OTOGL: variants seen among roughly 807,000 people sequenced by gnomAD.
OTOGL encodes otogelin like, also known as otogelin-like protein.
A neutral mutation model predicts 318.5 loss-of-function variants in OTOGL; 285 were observed. The observed-to-expected ratio is 0.89, with a 90% CI of 0.81 to 0.99. OTOGL has a LOEUF of 0.99. Ranked by LOEUF, OTOGL falls within the 50% of genes least tolerant of loss-of-function variation. The pLI, the probability that OTOGL is intolerant of heterozygous loss-of-function variation, is 0.00. For missense variants in OTOGL, 2,899 were observed against 2,845.6 expected, an observed-to-expected ratio of 1.02 and a Z score of -0.43; for synonymous variants, 987 against 936.5, an observed-to-expected ratio of 1.05 and a Z score of -0.99.
chr12:80,114,800 G>T (rs1870061094), intron 1 of OTOGL, among the ~76,000 whole-genome samples: 1 of 151,810 alleles, frequency 6.6e-6, no homozygotes, highest in South Asian at 2.1e-4. Context: ...TTTGTTGGAG[G>T]CTTTGTTTGT....
intron 1 of OTOGL, among the ~76,000 whole-genome samples, chr12:80,144,806 G>A (rs1372094738): frequency 1.4e-4 from 21 of 152,302 alleles, no homozygotes; most frequent in Admixed American, 1.4e-3. Flanking sequence ...CTGATGGCCA[G>A]TGATGATGAG....
intron 29 of OTOGL, among the ~76,000 whole-genome samples, chr12:80,306,020 C>A (rs1322545834): frequency 6.6e-6 from 1 of 152,046 alleles, no homozygotes; most frequent in Non-Finnish European, 1.5e-5. Flanking sequence ...TAGCAAAATG[C>A]CAATCAATGT....
chr12:80,203,693 G>A (rs1196143292), intron 1 of OTOGL, among the ~76,000 whole-genome samples: 2 of 152,074 alleles, frequency 1.3e-5, no homozygotes, highest in South Asian at 4.1e-4. Flanking sequence ...TCCATCCTCT[G>A]TTTCTTTCCC....
Position 80,222,236 on chromosome 12 carries a change from C to T in OTOGL, c.480C>T (p.Tyr160=), listed in dbSNP as rs1369027356. 1 of 1,594,794 alleles carries T rather than the reference C, an allele frequency of 6.3e-7. No homozygotes were observed. Among genetic ancestry groups the T allele is most frequent in the South Asian group, 1.1e-5 (1 of 90,858 alleles). The change falls in exon 7 of 59, where the codon TAC becomes TAT. Residue 160 remains tyrosine (Y), a synonymous_variant. Transcript: ENST00000547103. ...ACTGTGGTGATTTGGAGCCTCGGTA[C>T]ACTGTATGGGTAGGTGATTGTAGGA... is the stretch of plus-strand genomic sequence containing the variant. The part of the protein sequence containing the change: ...AKDCGDLEPR[Y]TVWVHNSPKC...
intron 1 of OTOGL, among the ~76,000 whole-genome samples, chr12:80,123,923 A>G (rs1870644505): frequency 6.6e-6 from 1 of 152,042 alleles, no homozygotes; most frequent in Non-Finnish European, 1.5e-5. Context: ...AGTTCATTGT[A>G]GATTCTGGAT....
chr12:80,219,773 T>C (rs1878109956), intron 5 of OTOGL, 41 bp from the exon 6 acceptor site: 5 of 1,289,598 alleles, frequency 3.9e-6, no homozygotes, highest in Admixed American at 1.9e-5. Flanking sequence ...AAAGAACAAA[T>C]GGATGCCAGA....
intron 52 of OTOGL, among the ~76,000 whole-genome samples, chr12:80,364,323 T>C (rs2138062914): frequency 6.6e-6 from 1 of 152,272 alleles, no homozygotes; most frequent in African/African-American, 2.4e-5. Context: ...TTAAAAAATA[T>C]CACATTAGTT....
At chr12:80,171,716 G>C (rs927647499) in intron 1 of OTOGL, among the ~76,000 whole-genome samples, 1 of 151,806 alleles carries the variant, frequency 6.6e-6, no homozygotes, top group African/African-American at 2.4e-5. Context: ...TTTTTTATTG[G>C]GAGTTGATTA....
At chr12:80,181,630 A>ATTTTTTTT (rs61577097) in intron 1 of OTOGL, among the ~76,000 whole-genome samples, 6 of 147,530 alleles carry the variant, frequency 4.1e-5, no homozygotes, top group African/African-American at 1.5e-4. Context: ...GAGGATCAAG[A>ATTTTTTTT]TTTTTTTTTT....
chr12:80,220,952 C>T (rs889416004), intron 6 of OTOGL, among the ~76,000 whole-genome samples: 6 of 152,004 alleles, frequency 3.9e-5, no homozygotes, highest in Non-Finnish European at 8.8e-5. Context: ...CCTGAAAAGG[C>T]CACAGTTGTC....
At chr12:80,309,906 C>A (rs1886516788) in intron 29 of OTOGL, among the ~76,000 whole-genome samples, 1 of 152,026 alleles carries the variant, frequency 6.6e-6, no homozygotes, top group South Asian at 2.1e-4. Context: ...GGCGTTGAAG[C>A]CAGGACGCGT....
chr12:80,288,483 G>A (rs1246454803), intron 26 of OTOGL, among the ~76,000 whole-genome samples: 1 of 152,110 alleles, frequency 6.6e-6, no homozygotes, highest in East Asian at 1.9e-4. Context: ...ATAATATCCT[G>A]AGGTGTGTTT....
intron 6 of OTOGL, among the ~76,000 whole-genome samples, chr12:80,221,673 A>G (rs985177791): frequency 7.6e-6 from 1 of 131,876 alleles, no homozygotes; most frequent in African/African-American, 2.5e-5. Context: ...GGATACCATA[A>G]AAAGACGTTT....
rs779240750 is a variant in OTOGL at position 80,355,923 on chromosome 12, G to C, written c.5781G>C (p.Trp1927Cys). The change falls in exon 47 of 59, where the codon TGG becomes TGC. Residue 1927 changes from tryptophan to cysteine, a missense_variant. Physicochemically the swap from Trp to Cys is radical, Grantham distance 215. Around this residue, in one of 3 missense-constraint regions of OTOGL, gnomAD observed 2,607 missense variants for 2,524.9 expected, o/e 1.03. Transcript: ENST00000547103. ...AEVVMGIIDK[W>C]TCCSKEVCGC... Reference sequence around the variant, plus strand: ...TTGTCATGGGCATCATTGATAAATGGACCTGCTGTTCAAAGGAAGTTTGTG... The same window carrying C: ...TTGTCATGGGCATCATTGATAAATGCACCTGCTGTTCAAAGGAAGTTTGTG... The C allele has an allele frequency of 6.2e-6, 10 of 1,613,718 alleles. No homozygotes were observed. The South Asian group carries it at 8.8e-5, about 14-fold the overall frequency.
intron 35 of OTOGL, among the ~76,000 whole-genome samples, chr12:80,326,274 C>T (rs1451097): frequency 0.46 from 70,561 of 151,766 alleles, 17,566 homozygotes; most frequent in African/African-American, 0.65. Context: ...AGAGCTTTTA[C>T]GAGAAAAGCT....
At chr12:80,336,766 C>A in intron 40 of OTOGL, 31 bp from the exon 41 acceptor site, 1 of 1,482,372 alleles carries the variant, frequency 6.7e-7, no homozygotes, top group Non-Finnish European at 9.1e-7. Flanking sequence ...TCAAATAATG[C>A]ATTTAAAAGT....
Position 80,152,150 on chromosome 12 carries a change from G to A in OTOGL, c.-20+52545G>A, listed in dbSNP as rs1872825114. Among the ~76,000 whole-genome samples the A allele has an allele frequency of 2.0e-5, 3 of 152,016 alleles. No homozygotes were observed. In the South Asian group the frequency reaches 6.2e-4, roughly 32 times the overall value. On this transcript the variant is annotated intron_variant, in intron 1 of 58. Coordinates refer to ENST00000547103, the MANE Select transcript of OTOGL (RefSeq NM_001378609.3). The stretch of plus-strand genomic sequence containing the variant: ...GTGTCTCCTAGGGCAAGAAGGAATG[G>A]GGTCACATGAGCATGTTAGGCTCTG...
chr12:80,259,322 A>C (rs1381769996), intron 18 of OTOGL, among the ~76,000 whole-genome samples: 1 of 151,500 alleles, frequency 6.6e-6, no homozygotes, highest in Non-Finnish European at 1.5e-5. Flanking sequence ...CTACTCTCCA[A>C]ATACTGTTTC....
In OTOGL at chr12:80,254,580, T is replaced by A. The variant is rs367996419; in HGVS notation, c.1441+10T>A. On this transcript the variant is annotated intron_variant, in intron 15 of 58. Coordinates refer to ENST00000547103, the MANE Select transcript of OTOGL (RefSeq NM_001378609.3). ...GAGCAAGACTGTCCAGGTAATTTTTTAAAATGTTTTTATAGAGAATGTTTC... is the reference window on the plus strand; with the variant it reads ...GAGCAAGACTGTCCAGGTAATTTTTAAAAATGTTTTTATAGAGAATGTTTC... 1,358 of 1,599,000 alleles carry A rather than the reference T, an allele frequency of 8.5e-4. No homozygotes were observed. Among genetic ancestry groups the A allele is most frequent in the Admixed American group, 3.3e-3 (197 of 59,732 alleles).
Sources: allele counts gnomAD v4.1 joint callset (sites outside exome capture counted in the v4.1 genomes callset), GRCh38; gene constraint gnomAD v4.1.1; regional missense constraint gnomAD v4.1.1; transcripts MANE v1.5; gene names NCBI Gene and HGNC (gene_info 2026-07-23, HGNC 2026-07-21).